HHAT: variants seen among roughly 807,000 people sequenced by gnomAD.
HHAT encodes hedgehog acyltransferase, also known as protein-cysteine N-palmitoyltransferase HHAT.
HHAT carries 47 observed loss-of-function variants against 70.8 expected under a neutral mutation model. The observed-to-expected ratio is 0.66, with a 90% CI of 0.53 to 0.85. The LOEUF is 0.85. Among genes scored for constraint, HHAT ranks in the 40% least tolerant of loss-of-function variants. The pLI, the probability that HHAT is intolerant of heterozygous loss-of-function variation, is 0.00. For synonymous variants in HHAT, 228 were observed against 247.6 expected (o/e 0.92, Z 0.74); for missense variants, 609 against 604.8 (o/e 1.01, Z -0.07).
intron 11 of HHAT, among the ~76,000 whole-genome samples, chr1:210,665,367 A>G (rs766447973): frequency 2.0e-5 from 3 of 152,136 alleles, no homozygotes; most frequent in Non-Finnish European, 4.4e-5. Context: ...AGTGATGGGA[A>G]TCTCCTCTCT....
chr1:210,649,100 C>G (rs1674625048), intron 11 of HHAT, among the ~76,000 whole-genome samples: 1 of 152,140 alleles, frequency 6.6e-6, no homozygotes, highest in Non-Finnish European at 1.5e-5. Flanking sequence ...TCGGCAAATA[C>G]TTAAAGAGGG....
chr1:210,646,389 A>G (rs1476594154), intron 11 of HHAT, among the ~76,000 whole-genome samples: 1 of 152,218 alleles, frequency 6.6e-6, no homozygotes, highest in Non-Finnish European at 1.5e-5. Flanking sequence ...CTAATCTCCA[A>G]AGGAATGAAT....
chr1:210,436,461 TC>T (rs1215061690), intron 7 of HHAT, among the ~76,000 whole-genome samples: 1 of 151,798 alleles, frequency 6.6e-6, no homozygotes, highest in African/African-American at 2.4e-5. Flanking sequence ...CTTTTGTAGT[TC>T]CATATGAGTT....
At chr1:210,603,773 TCA>T (rs1404901238) in intron 10 of HHAT, among the ~76,000 whole-genome samples, 1 of 152,194 alleles carries the variant, frequency 6.6e-6, no homozygotes, top group Non-Finnish European at 1.5e-5. Flanking sequence ...CTAAAGTATC[TCA>T]CATTCCTTCC....
At chr1:210,583,072 C>T (rs1224653681) in intron 9 of HHAT, among the ~76,000 whole-genome samples, 2 of 152,130 alleles carry the variant, frequency 1.3e-5, no homozygotes, top group African/African-American at 2.4e-5. Flanking sequence ...CAGATTTTAC[C>T]TCTCCTATAT....
intron 9 of HHAT, among the ~76,000 whole-genome samples, chr1:210,553,256 T>G (rs2095543050): frequency 6.6e-6 from 1 of 152,192 alleles, no homozygotes; most frequent in East Asian, 1.9e-4. Context: ...GACCCCAAGC[T>G]GAATTTTCAG....
intron 9 of HHAT, among the ~76,000 whole-genome samples, chr1:210,545,440 T>G (rs1271233295): frequency 1.3e-5 from 2 of 148,576 alleles, no homozygotes; most frequent in Admixed American, 6.7e-5. Context: ...TTTTTCCTTT[T>G]TTTTTTTTTT....
At chr1:210,489,792 G>A (rs1342420640) in intron 8 of HHAT, among the ~76,000 whole-genome samples, 2 of 152,154 alleles carry the variant, frequency 1.3e-5, no homozygotes, top group African/African-American at 4.8e-5. Flanking sequence ...TTGGATACAT[G>A]CCTTTAGTGA....
At chr1:210,567,313 T>C (rs958196636) in intron 9 of HHAT, among the ~76,000 whole-genome samples, 11 of 152,216 alleles carry the variant, frequency 7.2e-5, no homozygotes, top group African/African-American at 2.2e-4. Context: ...AGTTCTGCTC[T>C]TTGATGCAAC....
At chr1:210,503,824 A>AT (rs2094804313) in intron 8 of HHAT, among the ~76,000 whole-genome samples, 1 of 152,200 alleles carries the variant, frequency 6.6e-6, no homozygotes, top group Non-Finnish European at 1.5e-5. Flanking sequence ...ACATGAAGAG[A>AT]TAAAAAGCAA....
chr1:210,653,763 A>T (rs950199278), intron 11 of HHAT, among the ~76,000 whole-genome samples: 2 of 152,120 alleles, frequency 1.3e-5, no homozygotes, highest in Admixed American at 6.5e-5. Context: ...TTTTGAAAAA[A>T]ATCTTAGTCA....
intron 8 of HHAT, among the ~76,000 whole-genome samples, chr1:210,494,542 C>CT (rs71146226): frequency 0.13 from 10,799 of 82,436 alleles, 1,812 homozygotes; most frequent in Non-Finnish European, 0.18. Context: ...TTTGAAATAG[C>CT]TTTTTTTTTT....
chr1:210,523,690 G>A (rs1449210867), intron 9 of HHAT, among the ~76,000 whole-genome samples: 1 of 152,224 alleles, frequency 6.6e-6, no homozygotes, highest in Non-Finnish European at 1.5e-5. Flanking sequence ...TGGATCTTCT[G>A]CGTAGTACCC....
At chr1:210,460,700 G>T (rs548486320) in intron 7 of HHAT, among the ~76,000 whole-genome samples, 1 of 152,218 alleles carries the variant, frequency 6.6e-6, no homozygotes, top group Non-Finnish European at 1.5e-5. Flanking sequence ...CCATATTTGA[G>T]CTGGGATCTG....
chr1:210,470,897 T>C (rs2094192877), intron 8 of HHAT, among the ~76,000 whole-genome samples: 1 of 152,218 alleles, frequency 6.6e-6, no homozygotes, highest in African/African-American at 2.4e-5. Context: ...CTATAAATGG[T>C]ATCCAATTCC....
intron 6 of HHAT, among the ~76,000 whole-genome samples, chr1:210,406,642 C>T (rs2092343416): frequency 6.6e-6 from 1 of 152,168 alleles, no homozygotes; most frequent in South Asian, 2.1e-4. Context: ...AATCTGCCCT[C>T]AGCCTCCCAA....
intron 10 of HHAT, chr1:210,590,009 G>C (rs1379024317): frequency 6.6e-6 from 1 of 152,180 alleles, no homozygotes; most frequent in Non-Finnish European, 1.5e-5. Flanking sequence ...CTACAAGCCT[G>C]GTAGGCAGTT....
chr1:210,340,242 G>GGGAA (rs1553313987), intron 1 of HHAT, among the ~76,000 whole-genome samples: 7 of 99,776 alleles, frequency 7.0e-5, no homozygotes, highest in Admixed American at 1.3e-4. Context: ...CTCTGTCTCA[G>GGGAA]AAAAAAAAAA....
chr1:210,468,224 G>A (rs1405369385), intron 8 of HHAT, among the ~76,000 whole-genome samples: 1 of 152,130 alleles, frequency 6.6e-6, no homozygotes, highest in African/African-American at 2.4e-5. Flanking sequence ...ATTTAGATGG[G>A]CTGAGATCTG....
Sources: allele counts gnomAD v4.1 joint callset (sites outside exome capture counted in the v4.1 genomes callset), GRCh38; gene constraint gnomAD v4.1.1; transcripts MANE v1.5; gene names NCBI Gene and HGNC (gene_info 2026-07-23, HGNC 2026-07-21).